The following METTL24 variants were observed in gnomAD, a reference collection of about 807,000 sequenced individuals.
METTL24 encodes methyltransferase like 24, also known as probable methyltransferase-like protein 24.
A neutral mutation model predicts 32.7 loss-of-function variants in METTL24; 29 were observed. The observed-to-expected ratio is 0.89, with a 90% confidence interval of 0.66 to 1.21. The LOEUF (loss-of-function observed/expected upper bound fraction) is 1.21, where lower values mean the gene tolerates loss of function less well. Among genes scored for constraint, METTL24 ranks in the 50% most tolerant of loss-of-function variants. METTL24 has a pLI of 0.00. For missense variants in METTL24, 439 were observed against 468.1 expected, an observed-to-expected ratio of 0.94 and a Z score of 0.57; for synonymous variants, 163 against 179.5, an observed-to-expected ratio of 0.91 and a Z score of 0.73.
intron 1 of METTL24, among the ~76,000 whole-genome samples, chr6:110,326,727 A>G (rs1358549926): frequency 6.6e-6 from 1 of 152,236 alleles, no homozygotes. Context: ...TCTAAAGGGA[A>G]CTATATGGAG....
At chr6:110,332,513 G>A (rs563303804) in intron 1 of METTL24, 17 of 982,050 alleles carry the variant, frequency 1.7e-5, no homozygotes, top group East Asian at 1.1e-4. Context: ...GTCTGCATAC[G>A]TAGTAAAGTT....
intron 4 of METTL24, among the ~76,000 whole-genome samples, chr6:110,250,542 A>G (rs552090923): frequency 9.2e-5 from 14 of 152,056 alleles, no homozygotes; most frequent in Middle Eastern, 3.4e-3. Flanking sequence ...GGGAGACACA[A>G]TTCAACCCAT....
intron 4 of METTL24, among the ~76,000 whole-genome samples, chr6:110,271,748 A>G (rs1479437751): frequency 6.6e-6 from 1 of 152,252 alleles, no homozygotes; most frequent in Non-Finnish European, 1.5e-5. Flanking sequence ...CACAGTTCAT[A>G]GCTAAATATA....
chr6:110,310,335 C>T (rs563886725), intron 3 of METTL24, among the ~76,000 whole-genome samples: 6 of 152,246 alleles, frequency 3.9e-5, no homozygotes, highest in African/African-American at 4.8e-5. Flanking sequence ...CTCATGCCCA[C>T]GCCTACCCCT....
intron 4 of METTL24, among the ~76,000 whole-genome samples, chr6:110,277,983 G>A (rs999751419): frequency 2.0e-5 from 3 of 152,118 alleles, no homozygotes; most frequent in African/African-American, 7.2e-5. Flanking sequence ...AATTTTGCCT[G>A]TTATAAGCCC....
intron 1 of METTL24, among the ~76,000 whole-genome samples, chr6:110,344,375 C>A (rs912533469): frequency 2.0e-5 from 3 of 152,148 alleles, no homozygotes; most frequent in Admixed American, 6.5e-5. Flanking sequence ...ACAGTCACAG[C>A]TAAGGGGCCC....
chr6:110,315,540 A>T, intron 2 of METTL24, 59 bp from the exon 3 acceptor site: 1 of 1,582,366 alleles, frequency 6.3e-7, no homozygotes, highest in Non-Finnish European at 8.7e-7. Context: ...AATAGCAGGT[A>T]GGGACTTATT....
chr6:110,305,986 T>C (rs1771620309), intron 3 of METTL24, among the ~76,000 whole-genome samples: 1 of 152,204 alleles, frequency 6.6e-6, no homozygotes, highest in African/African-American at 2.4e-5. Context: ...TATGGAATAC[T>C]ATGCAGTCAT....
At chr6:110,289,005 T>C (rs1270262585) in intron 4 of METTL24, among the ~76,000 whole-genome samples, 1 of 152,088 alleles carries the variant, frequency 6.6e-6, no homozygotes, top group East Asian at 1.9e-4. Context: ...CTCTAGCAAA[T>C]AGCAAATGAG....
chr6:110,303,725 G>A (rs1582413149), intron 3 of METTL24, among the ~76,000 whole-genome samples: 1 of 152,238 alleles, frequency 6.6e-6, no homozygotes, highest in South Asian at 2.1e-4. Context: ...GGAAGGGGCG[G>A]CTGCGGGTGC....
intron 3 of METTL24, among the ~76,000 whole-genome samples, chr6:110,312,707 AG>A (rs113582697): frequency 0.021 from 3,135 of 152,290 alleles, 113 homozygotes; most frequent in African/African-American, 0.071. Flanking sequence ...AGGGTGTTTG[AG>A]GGGAAGTGAA....
intron 1 of METTL24, among the ~76,000 whole-genome samples, chr6:110,323,891 C>T (rs1296000508): frequency 6.6e-6 from 1 of 151,992 alleles, no homozygotes; most frequent in African/African-American, 2.4e-5. Context: ...AGGAAGTAGG[C>T]AGGGGAGGGT....
chr6:110,347,040 T>C (rs1772490442), intron 1 of METTL24, among the ~76,000 whole-genome samples: 1 of 152,226 alleles, frequency 6.6e-6, no homozygotes, highest in Non-Finnish European at 1.5e-5. Context: ...TGGACATTGA[T>C]CCTTTATTGG....
At chr6:110,328,530 A>C (rs937077189) in intron 1 of METTL24, among the ~76,000 whole-genome samples, 1 of 152,212 alleles carries the variant, frequency 6.6e-6, no homozygotes, top group Non-Finnish European at 1.5e-5. Flanking sequence ...TTTGACTCAA[A>C]AAGACTGCAA....
At chr6:110,254,314 A>G (rs1778340939) in intron 4 of METTL24, 1 of 162,880 alleles carries the variant, frequency 6.1e-6, no homozygotes, top group Admixed American at 6.4e-5. Flanking sequence ...TGGCCACATC[A>G]TCTAGTTATT....
At chr6:110,249,267 T>C (rs1388224599) in intron 4 of METTL24, among the ~76,000 whole-genome samples, 2 of 152,114 alleles carry the variant, frequency 1.3e-5, no homozygotes, top group East Asian at 1.9e-4. Context: ...ATAGTAAACA[T>C]AGGCTTTCTT....
At chr6:110,313,885 T>C (rs1771768713) in intron 3 of METTL24, among the ~76,000 whole-genome samples, 1 of 152,234 alleles carries the variant, frequency 6.6e-6, no homozygotes, top group Non-Finnish European at 1.5e-5. Flanking sequence ...ATTGTGTGCC[T>C]AGTATGTGCC....
rs1770991002 is a variant in METTL24, at chr6:110,273,412, A to C, written c.786+25510T>G. ...AGAACATGAGCACAGCAAAAGAAAT[A>C]ATCAGCAGAGTAAACAGACAGCCCA... On this transcript the variant is annotated intron_variant, in intron 4 of 4. Coordinates refer to ENST00000338882, the MANE Select transcript of METTL24 (RefSeq NM_001123364.3). Among the ~76,000 whole-genome samples the C allele has an allele frequency of 2.0e-5, 3 of 152,226 alleles. No homozygotes were observed. In the South Asian group the frequency reaches 6.2e-4, roughly 31 times the overall value.
At chr6:110,296,161 A>G (rs1160757940) in intron 4 of METTL24, among the ~76,000 whole-genome samples, 1 of 152,222 alleles carries the variant, frequency 6.6e-6, no homozygotes, top group Non-Finnish European at 1.5e-5. Context: ...CAGCATGGTT[A>G]AGACCAAAAA....
Sources: allele counts gnomAD v4.1 joint callset (sites outside exome capture counted in the v4.1 genomes callset), GRCh38; gene constraint gnomAD v4.1.1; transcripts MANE v1.5; gene names NCBI Gene and HGNC (gene_info 2026-07-23, HGNC 2026-07-21).